USH2A: variants seen among roughly 807,000 people sequenced by gnomAD.
The protein encoded by USH2A is Usher syndrome 2A (autosomal recessive, mild).
USH2A carries 443 observed loss-of-function variants against 538.9 expected under a neutral mutation model. The ratio of observed to expected loss-of-function variants is 0.82; its 90% CI spans 0.76 to 0.89. The LOEUF (loss-of-function observed/expected upper bound fraction) is 0.89, where lower values mean the gene tolerates loss of function less well. Ranked by LOEUF, USH2A falls within the 40% of genes least tolerant of loss-of-function variation. The pLI is 0.00. For synonymous variants in USH2A, 2,413 were observed against 2,273.5 expected (o/e 1.06, Z -1.75); for missense variants, 6,633 against 6,324.8 (o/e 1.05, Z -1.65).
At chr1:215,629,992 G>C (rs1656210908) in intron 70 of USH2A, 1 of 441,118 alleles carries the variant, frequency 2.3e-6, no homozygotes, top group Admixed American at 2.5e-5. Flanking sequence ...AGCCAGGATG[G>C]TCTCGATCTC....
intron 65 of USH2A, among the ~76,000 whole-genome samples, chr1:215,650,243 A>T (rs1202557995): frequency 2.0e-5 from 3 of 152,222 alleles, no homozygotes; most frequent in Admixed American, 6.5e-5. Flanking sequence ...ACCATTTGCC[A>T]ACTTCTTACT....
chr1:215,769,416 G>A (rs1248778526), intron 55 of USH2A, among the ~76,000 whole-genome samples: 1 of 152,108 alleles, frequency 6.6e-6, no homozygotes, highest in Non-Finnish European at 1.5e-5. Context: ...AATGAGAATC[G>A]TAGCTGAAAG....
At chr1:216,122,544 T>A (rs1450126959) in intron 21 of USH2A, among the ~76,000 whole-genome samples, 1 of 152,130 alleles carries the variant, frequency 6.6e-6, no homozygotes, top group African/African-American at 2.4e-5. Context: ...GGTTTTAGGA[T>A]ACTAGGCAGC....
At chr1:216,127,957 C>T (rs1226809964) in intron 21 of USH2A, among the ~76,000 whole-genome samples, 5 of 152,096 alleles carry the variant, frequency 3.3e-5, no homozygotes, top group Admixed American at 1.3e-4. Flanking sequence ...GGATGAGTAA[C>T]ATCAGGGATT....
intron 61 of USH2A, among the ~76,000 whole-genome samples, chr1:215,721,350 C>G (rs984215531): frequency 6.6e-6 from 1 of 152,200 alleles, no homozygotes; most frequent in Non-Finnish European, 1.5e-5. Flanking sequence ...GCTGAGATTA[C>G]AGGCATGAGC....
At chr1:215,920,935 A>G (rs1280122601) in intron 38 of USH2A, among the ~76,000 whole-genome samples, 10 of 152,028 alleles carry the variant, frequency 6.6e-5, no homozygotes, top group Non-Finnish European at 1.5e-4. Flanking sequence ...CATACTGTTC[A>G]CATGGCTTAT....
chr1:215,952,128 T>C (rs1470412365), intron 37 of USH2A, among the ~76,000 whole-genome samples: 2 of 151,518 alleles, frequency 1.3e-5, no homozygotes, highest in Non-Finnish European at 2.9e-5. Context: ...CCTCCCAAAG[T>C]GCTGGGATTA....
At chr1:215,756,326 C>T (rs969817258) in intron 58 of USH2A, among the ~76,000 whole-genome samples, 42 of 152,170 alleles carry the variant, frequency 2.8e-4, no homozygotes, top group Non-Finnish European at 4.1e-4. Context: ...TTTTCAAATT[C>T]GTACTGAACA....
intron 32 of USH2A, among the ~76,000 whole-genome samples, chr1:216,036,564 T>C (rs2029985255): frequency 2.0e-5 from 3 of 152,168 alleles, no homozygotes; most frequent in African/African-American, 7.2e-5. Context: ...ATCATAAACT[T>C]TATGGTCACA....
chr1:216,412,006 T>C (rs917820866), intron 3 of USH2A, among the ~76,000 whole-genome samples: 1 of 152,176 alleles, frequency 6.6e-6, no homozygotes, highest in Non-Finnish European at 1.5e-5. Flanking sequence ...ATTTTGCCTT[T>C]ATTTGTGTAA....
intron 61 of USH2A, among the ~76,000 whole-genome samples, chr1:215,712,749 G>A (rs908752223): frequency 1.3e-5 from 2 of 152,088 alleles, no homozygotes; most frequent in Non-Finnish European, 2.9e-5. Flanking sequence ...AGGGAATGCA[G>A]GGGAAACAAG....
intron 4 of USH2A, 38 bp from the exon 5 acceptor site, chr1:216,327,692 TGTTTACCAAGCAATAC>T: frequency 6.2e-7 from 1 of 1,610,418 alleles, no homozygotes; most frequent in Non-Finnish European, 8.5e-7. Context: ...AAGAAGTCTC[TGTTTACCAAGCAATAC>T]CTGACAAGTA....
chr1:216,338,344 G>A (rs2038014224), intron 4 of USH2A, among the ~76,000 whole-genome samples: 1 of 151,410 alleles, frequency 6.6e-6, no homozygotes, highest in Non-Finnish European at 1.5e-5. Flanking sequence ...AGTAGAGGTG[G>A]CTTTAAAAAT....
chr1:215,800,779 G>C (rs1237695496), intron 49 of USH2A, among the ~76,000 whole-genome samples: 1 of 151,966 alleles, frequency 6.6e-6, no homozygotes, highest in Non-Finnish European at 1.5e-5. Context: ...CATCTCACTA[G>C]ATGAAATGAG....
intron 37 of USH2A, among the ~76,000 whole-genome samples, chr1:215,943,057 C>A (rs572143565): frequency 5.3e-5 from 8 of 152,146 alleles, no homozygotes; most frequent in African/African-American, 1.7e-4. Context: ...AAATTTAGGT[C>A]GAAAGAAGAC....
chr1:216,325,002 A>G (rs1427487902), intron 6 of USH2A, among the ~76,000 whole-genome samples: 2 of 152,130 alleles, frequency 1.3e-5, no homozygotes, highest in Non-Finnish European at 2.9e-5. Flanking sequence ...TAAGAGAAAG[A>G]AAAGGGATAA....
intron 21 of USH2A, among the ~76,000 whole-genome samples, chr1:216,156,549 C>T (rs2102625093): frequency 6.6e-6 from 1 of 152,226 alleles, no homozygotes; most frequent in East Asian, 1.9e-4. Flanking sequence ...ATAAACTCCT[C>T]TCAGACTAAT....
Position 216,321,919 on chromosome 1 carries a change from G to A in USH2A, c.1608C>T (p.Cys536=), listed in dbSNP as rs187380128. The A allele has an allele frequency of 1.3e-4, 211 of 1,613,812 alleles. No individual in the cohort carries two copies. The East Asian group carries it at 4.3e-3, about 33-fold the overall frequency. ...CAGTGAAGCTCTCCTGGGAGCAGAGGCATCTATATGGCTGGCTTGTTGTGT... is the reference window on the plus strand; with the variant it reads ...CAGTGAAGCTCTCCTGGGAGCAGAGACATCTATATGGCTGGCTTGTTGTGT... The part of the protein sequence containing the change: ...NCDTTSQPYR[C]LCSQESFTEG... Residue 536 remains cysteine (C), a synonymous_variant, in exon 9 of 72, where the codon TGC becomes TGT. Transcript: ENST00000307340.
intron 33 of USH2A, among the ~76,000 whole-genome samples, chr1:215,999,831 C>T (rs1347115115): frequency 6.7e-6 from 1 of 149,274 alleles, no homozygotes; most frequent in Non-Finnish European, 1.5e-5. Context: ...TTAGTCTAAA[C>T]TCTTATTTTA....
Sources: gnomAD v4.1 joint callset for allele counts (sites outside exome capture counted in the v4.1 genomes callset) on GRCh38, gnomAD v4.1.1 for gene constraint, MANE v1.5 for transcripts, NCBI Gene and HGNC (gene_info 2026-07-23, HGNC 2026-07-21) for gene names.